The following DMD variants were observed in gnomAD, a reference collection of about 807,000 sequenced individuals.
DMD encodes the protein mutant dystrophin.
DMD carries 63 observed loss-of-function variants against 330.1 expected under a neutral mutation model. That is an observed-to-expected ratio of 0.19 (90% CI 0.16 to 0.24). The LOEUF is 0.24. Among genes scored for constraint, DMD ranks in the 10% least tolerant of loss-of-function variants. DMD has a pLI of 1.00. For missense variants in DMD, 3,344 were observed against 2,684.1 expected (o/e 1.25, Z -5.43); for synonymous variants, 1,223 against 959.8 (o/e 1.27, Z -5.07).
chrX:32,233,601 T>TTATTTATTTATTTATG (rs1351761448), intron 43 of DMD, among the ~76,000 whole-genome samples: 69 of 58,621 alleles, frequency 1.2e-3, no homozygotes, highest in African/African-American at 5.1e-3. Flanking sequence ...TCTTTTTCTT[T>TTATTTATTTATTTATG]TATTTATTTA....
At chrX:32,023,073 C>T (rs917850930) in intron 44 of DMD, among the ~76,000 whole-genome samples, 3 of 110,673 alleles carry the variant, frequency 2.7e-5, no homozygotes, top group Admixed American at 9.6e-5. Flanking sequence ...CCTCATGATC[C>T]GCCCGCCTCG....
chrX:32,100,010 C>T (rs188928215), intron 44 of DMD, among the ~76,000 whole-genome samples: 1 of 110,630 alleles, frequency 9.0e-6, no homozygotes, highest in African/African-American at 3.3e-5. Flanking sequence ...ACCATGTGAC[C>T]TCGGGCATAA....
At chrX:31,391,704 C>G in intron 60 of DMD, among the ~76,000 whole-genome samples, 1 of 109,537 alleles carries the variant, frequency 9.1e-6, no homozygotes, top group Non-Finnish European at 1.9e-5. Flanking sequence ...AACCCCATGT[C>G]TCCTAAAAAT....
At chrX:33,026,313 CAAAAAAAAAAAAAAAAAAAAAAAAA>C (rs56794668) in intron 1 of DMD, among the ~76,000 whole-genome samples, 1 of 32,787 alleles carries the variant, frequency 3.0e-5, no homozygotes, top group South Asian at 4.7e-3. Context: ...GACTCCGTCT[CAAAAAAAAAAAAAAAAAAAAAAAAA>C]AAAAAAAAAG....
intron 60 of DMD, among the ~76,000 whole-genome samples, chrX:31,413,051 C>A (rs2061714070): frequency 8.9e-6 from 1 of 112,049 alleles, no homozygotes; most frequent in Non-Finnish European, 1.9e-5. Flanking sequence ...ATACCTTTCA[C>A]AATCTTGGTT....
chrX:33,099,602 C>A (rs748200662), intron 1 of DMD, among the ~76,000 whole-genome samples: 1 of 111,448 alleles, frequency 9.0e-6, no homozygotes, highest in Admixed American at 9.6e-5. Context: ...AATAAAAGTC[C>A]AAAATATGAC....
intron 9 of DMD, among the ~76,000 whole-genome samples, chrX:32,697,435 A>T (rs756409845): frequency 6.2e-5 from 7 of 112,225 alleles, no homozygotes; most frequent in Non-Finnish European, 1.3e-4. Context: ...TAGAATGAAT[A>T]GATAAAATAA....
chrX:33,126,616 C>A (rs1484009696), intron 1 of DMD, among the ~76,000 whole-genome samples: 1 of 111,925 alleles, frequency 8.9e-6, no homozygotes, highest in Non-Finnish European at 1.9e-5. Context: ...GGAGAACAAT[C>A]AAACAAATAC....
chrX:32,502,982 T>G (rs1435730), intron 18 of DMD, among the ~76,000 whole-genome samples: 1 of 110,048 alleles, frequency 9.1e-6, no homozygotes, highest in Non-Finnish European at 1.9e-5. Context: ...GACTTGAAAA[T>G]AAAAGAATAT....
At chrX:33,297,247 A>T (rs1377238854) in intron 1 of DMD, among the ~76,000 whole-genome samples, 1 of 111,588 alleles carries the variant, frequency 9.0e-6, no homozygotes, top group Non-Finnish European at 1.9e-5. Flanking sequence ...CTTTGATAGT[A>T]GACAGACTTT....
chrX:33,033,970 A>G (rs2094163131), intron 1 of DMD, among the ~76,000 whole-genome samples: 1 of 111,804 alleles, frequency 8.9e-6, no homozygotes, highest in Non-Finnish European at 1.9e-5. Flanking sequence ...AGTCATTACA[A>G]AAGACTTTAA....
chrX:31,725,153 C>G (rs908315322), intron 52 of DMD, among the ~76,000 whole-genome samples: 26 of 111,482 alleles, frequency 2.3e-4, no homozygotes, highest in African/African-American at 8.2e-4. Context: ...TACTTCCTCA[C>G]TTGTCATCTT....
At chrX:32,307,164 T>C (rs940398567) in intron 42 of DMD, among the ~76,000 whole-genome samples, 3 of 111,294 alleles carry the variant, frequency 2.7e-5, no homozygotes, top group African/African-American at 9.8e-5. Flanking sequence ...GGGATGTCTT[T>C]GGGAATGATC....
intron 1 of DMD, among the ~76,000 whole-genome samples, chrX:33,326,859 G>A (rs935220512): frequency 3.6e-5 from 4 of 110,752 alleles, no homozygotes; most frequent in Admixed American, 9.7e-5. Flanking sequence ...TGACTGTCAG[G>A]AGATATGGAG....
chrX:32,677,356 A>T (rs998072323), intron 9 of DMD, among the ~76,000 whole-genome samples: 1 of 111,503 alleles, frequency 9.0e-6, no homozygotes, highest in African/African-American at 3.2e-5. Flanking sequence ...TATTTAAAGA[A>T]ACTAACAGTA....
chrX:32,570,230 C>G (rs2052251320), intron 15 of DMD, among the ~76,000 whole-genome samples: 1 of 111,471 alleles, frequency 9.0e-6, no homozygotes, highest in Admixed American at 9.6e-5. Flanking sequence ...AAACTGGTGA[C>G]AGATGGTACC....
chrX:31,244,095 CTAAA>C (rs1442876566), intron 63 of DMD, among the ~76,000 whole-genome samples: 2 of 111,825 alleles, frequency 1.8e-5, no homozygotes, highest in African/African-American at 3.2e-5. Context: ...TTAAAGGTAA[CTAAA>C]TATTTACATA....
At chrX:32,222,971 T>C (rs772486277) in intron 43 of DMD, among the ~76,000 whole-genome samples, 41 of 111,891 alleles carry the variant, frequency 3.7e-4, no homozygotes, top group African/African-American at 1.2e-3. Flanking sequence ...TATAAACCCA[T>C]GGTGACCATC....
At chrX:31,580,218 C>T (rs1213276849) in intron 55 of DMD, among the ~76,000 whole-genome samples, 5 of 112,244 alleles carry the variant, frequency 4.5e-5, no homozygotes, top group Non-Finnish European at 9.4e-5. Flanking sequence ...CTTCGAGGGG[C>T]CCATGATTCT....
Sources: gnomAD v4.1 joint callset for allele counts (sites outside exome capture counted in the v4.1 genomes callset) on GRCh38, gnomAD v4.1.1 for gene constraint, MANE v1.5 for transcripts, NCBI Gene and HGNC (gene_info 2026-07-23, HGNC 2026-07-21) for gene names.